Variants in TENT4B observed in about 807,000 individuals in gnomAD.
TENT4B encodes the protein terminal nucleotidyltransferase 4B.
A neutral mutation model predicts 75.0 loss-of-function variants in TENT4B; 10 were observed. That is an observed-to-expected ratio of 0.13 (90% CI 0.08 to 0.23). The LOEUF (loss-of-function observed/expected upper bound fraction) is 0.23, where lower values mean the gene tolerates loss of function less well. TENT4B is among the 10% of genes least tolerant of loss of function. The pLI is 1.00. For synonymous variants in TENT4B, 350 were observed against 357.7 expected, an observed-to-expected ratio of 0.98 and a Z score of 0.24; for missense variants, 579 against 893.8, an observed-to-expected ratio of 0.65 and a Z score of 4.49.
intron 1 of TENT4B, among the ~76,000 whole-genome samples, chr16:50,189,406 T>G (rs2038596991): frequency 1.3e-5 from 2 of 152,340 alleles, no homozygotes; most frequent in East Asian, 3.9e-4. Flanking sequence ...TTCATGTCCC[T>G]TTGATTATAA....
chr16:50,155,272 G>GGTGTGTATGT (rs1555506873), intron 1 of TENT4B, among the ~76,000 whole-genome samples: 1 of 135,372 alleles, frequency 7.4e-6, no homozygotes, highest in Non-Finnish European at 1.6e-5. Flanking sequence ...GGGTCTCGTG[G>GGTGTGTATGT]GTGTGTGTGT....
Position 50,153,557 on chromosome 16 carries a change from A to AGGCGGC in TENT4B, c.-52_-47dup, listed in dbSNP as rs1226373207. 58 of 950,006 alleles carry AGGCGGC rather than the reference A, an allele frequency of 6.1e-5. No individual in the cohort carries two copies. In the East Asian group the frequency reaches 9.7e-4, roughly 16 times the overall value. 58.8% of individuals were successfully genotyped at this position (950,006 alleles called of 1,614,324 possible). A position where few individuals can be genotyped will look rare whatever the true frequency, so the allele number is the denominator to read the frequency against. On this transcript the variant is annotated 5_prime_UTR_variant, in exon 1 of 12. Transcript: ENST00000561678. The stretch of plus-strand genomic sequence containing the variant: ...GCAGCCGAGGCCGGGCGTGCGCCTG[A>AGGCGGC]GGCGGCGGCGGCGGCGGCCCTGCGG...
intron 1 of TENT4B, among the ~76,000 whole-genome samples, chr16:50,170,642 A>C (rs943324602): frequency 1.3e-5 from 2 of 151,590 alleles, no homozygotes; most frequent in East Asian, 1.9e-4. Context: ...AGACAAAGCT[A>C]TCTCTCAGGC....
At chr16:50,228,265 T>C (rs2032145759) in intron 11 of TENT4B, among the ~76,000 whole-genome samples, 1 of 152,174 alleles carries the variant, frequency 6.6e-6, no homozygotes, top group African/African-American at 2.4e-5. Context: ...AACTACCATA[T>C]AAAAAGTGTC....
At chr16:50,210,396 C>G (rs2150733058) in intron 1 of TENT4B, among the ~76,000 whole-genome samples, 1 of 152,366 alleles carries the variant, frequency 6.6e-6, no homozygotes, top group African/African-American at 2.4e-5. Context: ...AGCCCCCCAC[C>G]ACCATGATAG....
chr16:50,224,778 A>G lies in TENT4B; in HGVS notation c.1503A>G (p.Thr501=), dbSNP rs2031973324. The part of the protein sequence containing the change: ...PIAKYYPNNE[T]ESILGRIIRV... ...CAAAGTACTATCCCAACAATGAAAC[A>G]GAAAGGTAAAAGTTCATCTATAACC... Residue 501 remains threonine, a synonymous_variant, in exon 8 of 12, where the codon ACA becomes ACG. Coordinates refer to ENST00000561678, the MANE Select transcript of TENT4B (RefSeq NM_001365324.3). 2.5e-6 allele frequency: 4 copies of G among 1,613,854 alleles called. No individual in the cohort carries two copies. Among genetic ancestry groups the G allele is most frequent in the Non-Finnish European group, 3.4e-6 (4 of 1,179,888 alleles).
At chr16:50,213,747 A>G (rs772640444) in intron 2 of TENT4B, among the ~76,000 whole-genome samples, 1 of 152,230 alleles carries the variant, frequency 6.6e-6, no homozygotes, top group Non-Finnish European at 1.5e-5. Context: ...ACAATGTACC[A>G]ATAAAAACAA....
intron 1 of TENT4B, among the ~76,000 whole-genome samples, chr16:50,206,879 G>A (rs961027386): frequency 1.3e-5 from 2 of 149,088 alleles, no homozygotes; most frequent in South Asian, 4.3e-4. Context: ...TTCCTTTTCT[G>A]TAGCAGATCT....
chr16:50,168,889 G>A (rs982319614), intron 1 of TENT4B, among the ~76,000 whole-genome samples: 2 of 149,760 alleles, frequency 1.3e-5, no homozygotes, highest in Non-Finnish European at 3.0e-5. Flanking sequence ...CAGGTGGTCC[G>A]TCCACTTCGG....
rs968904795 is a variant in TENT4B, at chr16:50,217,499, G to T, written c.931-57G>T. On this transcript the variant is annotated intron_variant, in intron 4 of 11. Coordinates refer to ENST00000561678, the MANE Select transcript of TENT4B (RefSeq NM_001365324.3). ...CATGTCTAGTAGGCTTCCATCCCCTGATTTTATCATTTAATCTGGTTAAAG... is the reference window on the plus strand; with the variant it reads ...CATGTCTAGTAGGCTTCCATCCCCTTATTTTATCATTTAATCTGGTTAAAG... 2.3e-5 allele frequency: 22 copies of T among 955,978 alleles called. No homozygotes were observed. In the Admixed American group the frequency reaches 3.9e-4, roughly 17 times the overall value. The allele number at this position is 955,978 out of a possible 1,614,324, so 59.2% of individuals were successfully genotyped here.
At chr16:50,227,515 T>C (rs556295428) in intron 10 of TENT4B, among the ~76,000 whole-genome samples, 1 of 151,870 alleles carries the variant, frequency 6.6e-6, no homozygotes, top group Non-Finnish European at 1.5e-5. Flanking sequence ...AGCCAGGGAC[T>C]AGGACCTAGG....
chr16:50,209,226 C>T (rs2031149047), intron 1 of TENT4B, among the ~76,000 whole-genome samples: 1 of 152,164 alleles, frequency 6.6e-6, no homozygotes, highest in South Asian at 2.1e-4. Context: ...TACAAATAAA[C>T]TCCGATCACT....
chr16:50,173,911 C>G (rs2038253519), intron 1 of TENT4B, among the ~76,000 whole-genome samples: 1 of 152,150 alleles, frequency 6.6e-6, no homozygotes, highest in African/African-American at 2.4e-5. Flanking sequence ...CCAGGCTGGT[C>G]TTGAACTCCT....
intron 1 of TENT4B, among the ~76,000 whole-genome samples, chr16:50,191,559 C>T (rs1214030343): frequency 6.6e-6 from 1 of 152,158 alleles, no homozygotes; most frequent in African/African-American, 2.4e-5. Flanking sequence ...TAGGCGTGAG[C>T]CACCATGCCC....
At chr16:50,170,999 G>A (rs2038195972) in intron 1 of TENT4B, among the ~76,000 whole-genome samples, 1 of 147,280 alleles carries the variant, frequency 6.8e-6, no homozygotes, top group South Asian at 2.1e-4. Flanking sequence ...ATCTCACTTT[G>A]TTTCCTGGGC....
chr16:50,167,040 C>T (rs1157183732), intron 1 of TENT4B, among the ~76,000 whole-genome samples: 1 of 152,148 alleles, frequency 6.6e-6, no homozygotes, highest in African/African-American at 2.4e-5. Context: ...ACTCACGACT[C>T]ATCTTCCTGA....
rs999137835 is a variant in TENT4B, at chr16:50,214,298, T to A, written c.809+31T>A. The A allele has an allele frequency of 3.9e-6, 6 of 1,523,602 alleles. No individual in the cohort carries two copies. The African/African-American group carries it at 8.3e-5, about 21-fold the overall frequency. The allele number at this position is 1,523,602 out of a possible 1,614,324, so 94.4% of individuals were successfully genotyped here. On this transcript the variant is annotated intron_variant, in intron 3 of 11. Transcript: ENST00000561678. ...TACACTCATGAATCTTTCAAAGGAC[T>A]TTTCTTAGAGTGTATTCATTTTGGC... is the stretch of plus-strand genomic sequence containing the variant.
intron 1 of TENT4B, among the ~76,000 whole-genome samples, chr16:50,183,695 A>G (rs557929085): frequency 2.0e-5 from 3 of 152,144 alleles, no homozygotes; most frequent in Non-Finnish European, 4.4e-5. Flanking sequence ...TGAGAGATTT[A>G]GCCGTTTCAG....
chr16:50,223,060 A>T, intron 6 of TENT4B, 114 bp from the exon 7 acceptor site: 1 of 839,220 alleles, frequency 1.2e-6, no homozygotes, highest in Non-Finnish European at 1.8e-6. Context: ...ACTGACTGCT[A>T]TGCTAAACCA....
Sources: gnomAD v4.1 joint callset for allele counts (sites outside exome capture counted in the v4.1 genomes callset) on GRCh38, gnomAD v4.1.1 for gene constraint, MANE v1.5 for transcripts, NCBI Gene and HGNC (gene_info 2026-07-23, HGNC 2026-07-21) for gene names.